ANO10: variants seen among roughly 807,000 people sequenced by gnomAD.
ANO10 encodes the protein anoctamin 10.
In ANO10, 77 loss-of-function variants were observed where a neutral mutation model predicts 74.7. That is an observed-to-expected ratio of 1.03 (90% confidence interval 0.86 to 1.25). The LOEUF (loss-of-function observed/expected upper bound fraction) is 1.25, where lower values mean the gene tolerates loss of function less well. Among genes scored for constraint, ANO10 ranks in the 50% most tolerant of loss-of-function variants. ANO10 has a pLI of 0.00. For synonymous variants in ANO10, 279 were observed against 284.9 expected (o/e 0.98, Z 0.21); for missense variants, 721 against 778.1 (o/e 0.93, Z 0.87).
intron 1 of ANO10, among the ~76,000 whole-genome samples, chr3:43,670,186 C>T (rs1251037419): frequency 6.6e-6 from 1 of 151,938 alleles, no homozygotes; most frequent in Non-Finnish European, 1.5e-5. Context: ...GATCCCATCT[C>T]TACAAATAAA....
chr3:43,541,030 G>C (rs562630328), intron 11 of ANO10, among the ~76,000 whole-genome samples: 46 of 152,008 alleles, frequency 3.0e-4, no homozygotes, highest in African/African-American at 9.9e-4. Flanking sequence ...ATTATCACAG[G>C]AATAAAGGAA....
At chr3:43,613,968 A>T (rs1408736462) in intron 1 of ANO10, among the ~76,000 whole-genome samples, 3 of 152,150 alleles carry the variant, frequency 2.0e-5, no homozygotes, top group Non-Finnish European at 2.9e-5. Context: ...CTGGGAAGGG[A>T]TGATGGGAGC....
chr3:43,596,572 G>A (rs1378740856), intron 4 of ANO10, among the ~76,000 whole-genome samples: 1 of 151,950 alleles, frequency 6.6e-6, no homozygotes, highest in African/African-American at 2.4e-5. Flanking sequence ...ATAGAAAGCT[G>A]AAACTGTACC....
intron 1 of ANO10, among the ~76,000 whole-genome samples, chr3:43,616,346 G>A (rs1400156080): frequency 6.6e-6 from 1 of 152,174 alleles, no homozygotes; most frequent in Non-Finnish European, 1.5e-5. Context: ...CATGCCATCA[G>A]AAGACAACCT....
At chr3:43,630,406 G>A (rs1382290397) in intron 1 of ANO10, among the ~76,000 whole-genome samples, 1 of 151,988 alleles carries the variant, frequency 6.6e-6, no homozygotes, top group Non-Finnish European at 1.5e-5. Flanking sequence ...GATGGGCAAA[G>A]ACACACCAGG....
At position 43,450,409 on chromosome 3, in the gene ANO10, C is replaced by T. The variant is rs534303874; in HGVS notation, c.1798-17682G>A. ...TACAAAAATTAGCCAGGCATGGTGGCGGACACCTGTAATCCCAGCTACTCG... is the reference window on the plus strand; with the variant it reads ...TACAAAAATTAGCCAGGCATGGTGGTGGACACCTGTAATCCCAGCTACTCG... On this transcript the variant is annotated intron_variant, in intron 11 of 12. Transcript: ENST00000292246. 2.6e-5 allele frequency among the ~76,000 whole-genome samples: 4 copies of T among 152,048 alleles called. No individual in the cohort carries two copies. In the East Asian group the frequency reaches 5.8e-4, roughly 22 times the overall value.
intron 12 of ANO10, among the ~76,000 whole-genome samples, chr3:43,429,978 A>C (rs908868438): frequency 6.6e-6 from 1 of 152,174 alleles, no homozygotes; most frequent in African/African-American, 2.4e-5. Flanking sequence ...ACCAATTTAC[A>C]CTTCTGTCAG....
chr3:43,455,336 G>A (rs2075077604), intron 11 of ANO10, among the ~76,000 whole-genome samples: 1 of 152,126 alleles, frequency 6.6e-6, no homozygotes, highest in Admixed American at 6.6e-5. Flanking sequence ...TCTAAAGTGA[G>A]GCAGGCCATG....
At chr3:43,428,555 T>C (rs1351363975) in intron 12 of ANO10, among the ~76,000 whole-genome samples, 1 of 133,996 alleles carries the variant, frequency 7.5e-6, no homozygotes, top group Non-Finnish European at 1.7e-5. Context: ...GCTATGAACG[T>C]TCTATTAGAA....
chr3:43,586,188 C>G (rs1448902375), intron 4 of ANO10, among the ~76,000 whole-genome samples: 2 of 152,100 alleles, frequency 1.3e-5, no homozygotes, highest in Admixed American at 1.3e-4. Flanking sequence ...TGCTCCCTGC[C>G]TGGCACCATA....
At chr3:43,599,354 T>C (rs2082231584) in intron 3 of ANO10, among the ~76,000 whole-genome samples, 1 of 152,164 alleles carries the variant, frequency 6.6e-6, no homozygotes, top group African/African-American at 2.4e-5. Context: ...TTCCCAGTTC[T>C]TTCCTGAAAA....
chr3:43,449,420 T>C (rs2074744605), intron 11 of ANO10, among the ~76,000 whole-genome samples: 2 of 151,996 alleles, frequency 1.3e-5, no homozygotes, highest in Admixed American at 1.3e-4. Flanking sequence ...TTTTCTCTTA[T>C]CTTCCAGAAG....
At chr3:43,377,252 A>C (rs1350773290) in intron 12 of ANO10, among the ~76,000 whole-genome samples, 2 of 151,848 alleles carry the variant, frequency 1.3e-5, no homozygotes, top group African/African-American at 4.8e-5. Context: ...CACCCAGCTA[A>C]TTTTTTGCAT....
intron 1 of ANO10, among the ~76,000 whole-genome samples, chr3:43,684,805 A>G (rs2149583971): frequency 6.6e-6 from 1 of 152,286 alleles, no homozygotes; most frequent in Non-Finnish European, 1.5e-5. Flanking sequence ...GCTGGAAACC[A>G]TCATTCTCAG....
At chr3:43,552,645 G>T (rs1053229154) in intron 10 of ANO10, among the ~76,000 whole-genome samples, 1 of 149,180 alleles carries the variant, frequency 6.7e-6, no homozygotes, top group Non-Finnish European at 1.5e-5. Context: ...TAGTTCGCCT[G>T]CATCTGAAAG....
intron 3 of ANO10, 55 bp from the exon 4 acceptor site, chr3:43,598,721 C>T: frequency 7.3e-7 from 1 of 1,372,544 alleles, no homozygotes; most frequent in African/African-American, 1.4e-5. Context: ...AAAAATATTC[C>T]AATTACCTGA....
intron 11 of ANO10, among the ~76,000 whole-genome samples, chr3:43,510,600 C>A (rs370981661): frequency 6.6e-6 from 1 of 152,076 alleles, no homozygotes; most frequent in African/African-American, 2.4e-5. Flanking sequence ...AACAGGTACA[C>A]AAAATCTCTG....
At chr3:43,394,781 G>A (rs1559504685) in intron 12 of ANO10, among the ~76,000 whole-genome samples, 1 of 152,156 alleles carries the variant, frequency 6.6e-6, no homozygotes, top group Non-Finnish European at 1.5e-5. Flanking sequence ...AATTCTCACA[G>A]TGTTCCCATT....
Position 43,507,433 on chromosome 3 carries a change from ACTT to A in ANO10, c.1797+42284_1797+42286del, listed in dbSNP as rs371976590. ...CCCAGGGCTGCTTCTTCAACTGGAC[ACTT>A]CAACATGCAGCTGGGTCAAGTGTGC... On this transcript the variant is annotated intron_variant, in intron 11 of 12. Transcript: ENST00000292246. 8.5e-5 allele frequency among the ~76,000 whole-genome samples: 13 copies of A among 152,308 alleles called. 1 individual carries two copies. The highest frequency in any genetic ancestry group is 7.7e-4 in the East Asian group (4 of 5,188).
Sources: gnomAD v4.1 joint callset for allele counts (sites outside exome capture counted in the v4.1 genomes callset) on GRCh38, gnomAD v4.1.1 for gene constraint, MANE v1.5 for transcripts, NCBI Gene and HGNC (gene_info 2026-07-23, HGNC 2026-07-21) for gene names.